Variants in FARP1 observed in about 807,000 individuals in gnomAD.
FARP1 encodes FERM, ARH/RhoGEF and pleckstrin domain protein 1.
A neutral mutation model predicts 128.8 loss-of-function variants in FARP1; 52 were observed. The observed-to-expected ratio is 0.40, with a 90% CI of 0.32 to 0.51. FARP1 has a LOEUF of 0.51. FARP1 is among the 20% of genes least tolerant of loss of function. The pLI, the probability that FARP1 is intolerant of heterozygous loss-of-function variation, is 0.45. For synonymous variants in FARP1, 580 were observed against 551.8 expected, an observed-to-expected ratio of 1.05 and a Z score of -0.72; for missense variants, 1,333 against 1,367.9, an observed-to-expected ratio of 0.97 and a Z score of 0.40.
intron 26 of FARP1, 91 bp downstream of exon 26, chr13:98,446,908 G>A (rs1436862778): frequency 5.1e-6 from 7 of 1,376,494 alleles, no homozygotes; most frequent in African/African-American, 1.4e-5. Flanking sequence ...GAGTGAGATG[G>A]CCCCACCCTT....
intron 5 of FARP1, among the ~76,000 whole-genome samples, chr13:98,369,144 C>T (rs527995893): frequency 7.2e-5 from 11 of 152,102 alleles, no homozygotes; most frequent in Admixed American, 1.3e-4. Flanking sequence ...AGACTGGTCT[C>T]GAACTCCTGA....
intron 2 of FARP1, among the ~76,000 whole-genome samples, chr13:98,336,995 G>A (rs1303687051): frequency 6.6e-6 from 1 of 152,144 alleles, no homozygotes; most frequent in Admixed American, 6.5e-5. Context: ...GATAGTGAAC[G>A]GGGTGGTTTC....
At chr13:98,367,467 ATCTG>A (rs1889140307) in intron 4 of FARP1, among the ~76,000 whole-genome samples, 1 of 150,940 alleles carries the variant, frequency 6.6e-6, no homozygotes, top group African/African-American at 2.4e-5. Flanking sequence ...TTATTTTATA[ATCTG>A]TCTGTCCTGT....
At chr13:98,408,000 G>T (rs367859558) in intron 13 of FARP1, among the ~76,000 whole-genome samples, 26 of 152,276 alleles carry the variant, frequency 1.7e-4, no homozygotes, top group African/African-American at 6.3e-4. Flanking sequence ...TTTTCCCTTA[G>T]AGATCTTCAG....
Position 98,220,384 on chromosome 13 carries a change from C to T in FARP1, c.171+6971C>T, listed in dbSNP as rs181924024. Among the ~76,000 whole-genome samples, 15 of 152,278 alleles carry T rather than the reference C, an allele frequency of 9.9e-5. No homozygotes were observed. The East Asian group carries it at 1.9e-3, about 20-fold the overall frequency. Reference sequence around the variant, plus strand: ...TGTGTGTGCCCAGAACTGCTTTTGCCGCCGCTTAAGCAGCTGGGCTTTGAA... The same window carrying T: ...TGTGTGTGCCCAGAACTGCTTTTGCTGCCGCTTAAGCAGCTGGGCTTTGAA... On this transcript the variant is annotated intron_variant, in intron 2 of 26. Coordinates refer to ENST00000319562, the MANE Select transcript of FARP1 (RefSeq NM_005766.4).
intron 4 of FARP1, 113 bp from the exon 5 acceptor site, chr13:98,368,004 C>A: frequency 1.3e-6 from 1 of 765,666 alleles, no homozygotes; most frequent in Non-Finnish European, 2.1e-6. Flanking sequence ...GGCAGATGTG[C>A]ACTTGGCAGC....
At chr13:98,242,224 C>G (rs542431673) in intron 2 of FARP1, among the ~76,000 whole-genome samples, 2 of 152,142 alleles carry the variant, frequency 1.3e-5, no homozygotes, top group Admixed American at 1.3e-4. Context: ...ATGTTCGTAG[C>G]GTACTCCCCC....
chr13:98,165,809 C>A (rs192508899), intron 1 of FARP1, among the ~76,000 whole-genome samples: 2 of 140,624 alleles, frequency 1.4e-5, no homozygotes, highest in Admixed American at 1.5e-4. Flanking sequence ...CCTCTGCTTC[C>A]CAGGTTCAAG....
rs186447329 is a variant in FARP1 at position 98,377,833 on chromosome 13, G to A, written c.411G>A (p.Ala137=). Residue 137 remains alanine, a synonymous_variant, in exon 6 of 27, where the codon GCG becomes GCA. Coordinates refer to ENST00000319562, the MANE Select transcript of FARP1 (RefSeq NM_005766.4). Reference sequence around the variant, plus strand: ...TTGATCTTCGCAGGTACCTGTTCGCGCTGCAGGTGAAGCAGGACTTGGCTC... The same window carrying A: ...TTGATCTTCGCAGGTACCTGTTCGCACTGCAGGTGAAGCAGGACTTGGCTC... ...LQEELTRYLF[A]LQVKQDLAQG... is the part of the protein sequence containing the mutation. The A allele has an allele frequency of 1.4e-5, 23 of 1,613,656 alleles. 1 individual carries two copies. The highest frequency in any genetic ancestry group is 6.6e-5 in the South Asian group (6 of 91,066).
intron 2 of FARP1, among the ~76,000 whole-genome samples, chr13:98,285,910 C>T (rs907196024): frequency 7.2e-5 from 11 of 152,286 alleles, no homozygotes; most frequent in South Asian, 4.2e-4. Context: ...CACTGTTCCA[C>T]GGCCCCTTCC....
At chr13:98,382,929 A>G (rs900193618) in intron 6 of FARP1, among the ~76,000 whole-genome samples, 7 of 152,212 alleles carry the variant, frequency 4.6e-5, no homozygotes, top group African/African-American at 1.7e-4. Context: ...TTAGGTAAGC[A>G]TCGTTCAGGC....
chr13:98,273,917 T>C (rs535513518), intron 2 of FARP1, among the ~76,000 whole-genome samples: 17 of 152,292 alleles, frequency 1.1e-4, no homozygotes, highest in African/African-American at 4.1e-4. Flanking sequence ...AGTGTGAGAA[T>C]GATGGCGGTC....
At chr13:98,417,013 C>T (rs948846724) in intron 16 of FARP1, among the ~76,000 whole-genome samples, 2 of 151,976 alleles carry the variant, frequency 1.3e-5, no homozygotes, top group African/African-American at 4.8e-5. Context: ...GACTGAATGT[C>T]GAGATATCAC....
chr13:98,355,095 C>A (rs1195290671), intron 3 of FARP1, among the ~76,000 whole-genome samples: 1 of 151,976 alleles, frequency 6.6e-6, no homozygotes, highest in Non-Finnish European at 1.5e-5. Context: ...TGCCTGTAAT[C>A]CTAGCGCTTT....
chr13:98,438,209 T>C (rs1892366547), intron 19 of FARP1, among the ~76,000 whole-genome samples: 1 of 152,166 alleles, frequency 6.6e-6, no homozygotes, highest in Non-Finnish European at 1.5e-5. Context: ...CTTGGACACA[T>C]CTGCCTCTCA....
intron 2 of FARP1, among the ~76,000 whole-genome samples, chr13:98,325,932 GT>G (rs1351041061): frequency 2.0e-5 from 3 of 152,350 alleles, no homozygotes; most frequent in African/African-American, 7.2e-5. Context: ...AACAAAGCTT[GT>G]TTTATAGCTT....
At chr13:98,339,059 G>A (rs188274715) in intron 2 of FARP1, among the ~76,000 whole-genome samples, 4 of 152,228 alleles carry the variant, frequency 2.6e-5, no homozygotes, top group South Asian at 2.1e-4. Flanking sequence ...GTCTTGAAGC[G>A]CTTTAGGCTT....
chr13:98,306,359 T>C lies in FARP1; in HGVS notation c.172-37403T>C, dbSNP rs557977151. Among the ~76,000 whole-genome samples, 18 of 152,328 alleles carry C rather than the reference T, an allele frequency of 1.2e-4. No individual in the cohort carries two copies. In the South Asian group the frequency reaches 1.7e-3, roughly 14 times the overall value. On this transcript the variant is annotated intron_variant, in intron 2 of 26. Transcript: ENST00000319562. The stretch of plus-strand genomic sequence containing the variant: ...GGGACTAGCAGTGACTCAGCTTCTG[T>C]TGCATGCCCCTGTGCTAGACACTTT...
intron 14 of FARP1, among the ~76,000 whole-genome samples, chr13:98,410,085 T>A (rs753020676): frequency 6.6e-6 from 1 of 152,230 alleles, no homozygotes. Context: ...TGCTTTGAAG[T>A]CTGTTGTGTG....
Sources: gnomAD v4.1 joint callset for allele counts (sites outside exome capture counted in the v4.1 genomes callset) on GRCh38, gnomAD v4.1.1 for gene constraint, MANE v1.5 for transcripts, NCBI Gene and HGNC (gene_info 2026-07-23, HGNC 2026-07-21) for gene names.